PRKDC: variants seen among roughly 807,000 people sequenced by gnomAD.
The protein encoded by PRKDC is DNA-dependent protein kinase catalytic subunit.
Under a neutral mutation model 486.9 loss-of-function variants are expected in PRKDC, and 82 were observed. The observed-to-expected ratio is 0.17, with a 90% CI of 0.14 to 0.20. PRKDC has a LOEUF of 0.20. Ranked by LOEUF, PRKDC falls within the 10% of genes least tolerant of loss-of-function variation. The pLI is 1.00. For synonymous variants in PRKDC, 1,895 were observed against 1,837.0 expected (o/e 1.03, Z -0.81); for missense variants, 4,504 against 5,038.2 (o/e 0.89, Z 3.21).
At position 47,898,527 on chromosome 8, in the gene PRKDC, C is replaced by T. The variant is rs781401034; in HGVS notation, c.3407G>A (p.Arg1136His). 4.5e-6 allele frequency: 7 copies of T among 1,544,996 alleles called. No individual in the cohort carries two copies. The highest frequency in any genetic ancestry group is 2.3e-5 in the East Asian group (1 of 43,300). Reference sequence around the variant, plus strand: ...AGAAACATGCTTCTTTTCAATGATGCGGCATAGGTGATCAATGGCATCACA... The same window carrying T: ...AGAAACATGCTTCTTTTCAATGATGTGGCATAGGTGATCAATGGCATCACA... ...QCCDAIDHLC[R>H]IIEKKHVSLN... Residue 1136 changes from arginine (R) to histidine (H), a missense_variant, in exon 29 of 86, where the codon CGC (arginine) becomes CAC (histidine). By Grantham distance (29) the Arg-to-His change is conservative (BLOSUM62 0). Coordinates refer to ENST00000314191, the MANE Select transcript of PRKDC (RefSeq NM_006904.7).
Position 47,820,755 on chromosome 8 carries a change from T to C in PRKDC, c.9300A>G (p.Lys3100=), listed in dbSNP as rs765257700. The C allele has an allele frequency of 1.9e-6, 3 of 1,591,802 alleles. No individual in the cohort carries two copies. Among genetic ancestry groups the C allele is most frequent in the African/African-American group, 1.3e-5 (1 of 74,532 alleles). ...YLLQDDVDRA[K]YYIQNGIQSF... ...TCTGAATGCCATTTTGAATGTAATA[T>C]TTGGCTCTGTCAACATCATCTTGCA... The change falls in exon 66 of 86, where the codon AAA becomes AAG. Residue 3100 remains lysine (K), a synonymous_variant. Coordinates refer to ENST00000314191, the MANE Select transcript of PRKDC (RefSeq NM_006904.7).
In PRKDC at chr8:47,810,053, C is replaced by A. The variant is rs77117997; in HGVS notation, c.9558-2727G>T. On this transcript the variant is annotated intron_variant, in intron 68 of 85. Transcript: ENST00000314191. ...TGCACATGAACCCACCAGGCTCAGG[C>A]TGCCCTGAAGTGTGCATGTGCAGAC... Among the ~76,000 whole-genome samples, 6 of 152,314 alleles carry A rather than the reference C, an allele frequency of 3.9e-5. No homozygotes were observed. The East Asian group carries it at 1.2e-3, about 29-fold the overall frequency.
In PRKDC at chr8:47,823,945, A is replaced by C; in HGVS notation, c.8835T>G (p.Ser2945Arg). 6.2e-7 allele frequency: 1 copy of C among 1,613,454 alleles called. No homozygotes were observed. Among genetic ancestry groups the C allele is most frequent in the Non-Finnish European group, 8.5e-7 (1 of 1,179,584 alleles). ...EYDVLRGIFTSEIGTKQITQS... is the reference protein window; with the variant it reads ...EYDVLRGIFTREIGTKQITQS... ...GAGTGATTTGCTTTGTTCCTATCTC[A>C]CTGGTAAAAATCCCACGGAGGACGT... The change falls in exon 64 of 86, where the codon AGT (serine) becomes AGG (arginine). Residue 2945 changes from serine (S) to arginine (R), a missense_variant. By Grantham distance (110) the Ser-to-Arg change is moderately radical (BLOSUM62 -1). This residue lies in a region of PRKDC where 1,592 missense variants were observed against 1,724.6 expected (regional missense o/e 0.92). Transcript: ENST00000314191.
intron 31 of PRKDC, among the ~76,000 whole-genome samples, chr8:47,890,857 G>A (rs2089441710): frequency 6.6e-6 from 1 of 152,148 alleles, no homozygotes; most frequent in South Asian, 2.1e-4. Flanking sequence ...TGAAATGACT[G>A]CAGAATTGAA....
At chr8:47,866,282 T>C (rs905345575) in intron 40 of PRKDC, among the ~76,000 whole-genome samples, 13 of 151,854 alleles carry the variant, frequency 8.6e-5, no homozygotes, top group African/African-American at 1.2e-4. Context: ...CTCCATCAAC[T>C]GGCAGCACGT....
chr8:47,778,347 G>C, intron 83 of PRKDC, 112 bp downstream of exon 83: 2 of 1,175,992 alleles, frequency 1.7e-6, no homozygotes, highest in Non-Finnish European at 2.4e-6. Flanking sequence ...ATGACAAAAC[G>C]AATCTAACTA....
chr8:47,958,503 A>ACTAG (rs1334464139), intron 1 of PRKDC, among the ~76,000 whole-genome samples: 1 of 152,200 alleles, frequency 6.6e-6, no homozygotes, highest in African/African-American at 2.4e-5. Context: ...GCAATAAGGA[A>ACTAG]CTAATACACT....
chr8:47,822,508 C>T (rs925883470), intron 64 of PRKDC, among the ~76,000 whole-genome samples: 10 of 152,110 alleles, frequency 6.6e-5, no homozygotes, highest in Non-Finnish European at 8.8e-5. Flanking sequence ...CTGGGCTGCT[C>T]GGCTGGGAGC....
chr8:47,916,019 G>A (rs2089976533), intron 22 of PRKDC, among the ~76,000 whole-genome samples: 1 of 152,152 alleles, frequency 6.6e-6, no homozygotes, highest in African/African-American at 2.4e-5. Flanking sequence ...TTTCATCCAT[G>A]TATAATTTGG....
rs377205091 is a variant in PRKDC at position 47,799,233 on chromosome 8, C to A, written c.10274G>T (p.Arg3425Leu). 123 of 1,613,780 alleles carry A rather than the reference C, an allele frequency of 7.6e-5. No individual in the cohort carries two copies. Among genetic ancestry groups the A allele is most frequent in the Non-Finnish European group, 9.5e-5 (112 of 1,179,892 alleles). ...ACCTGATGCATTCTCTTCCTCCTTGCGCAGCTGTTGGTCACAGAAATCTGC... is the reference window on the plus strand; with the variant it reads ...ACCTGATGCATTCTCTTCCTCCTTGAGCAGCTGTTGGTCACAGAAATCTGC... The part of the protein sequence containing the change: ...TLADFCDQQL[R>L]KEEENASVID... The change falls in exon 72 of 86, where the codon CGC (arginine) becomes CTC (leucine). Residue 3425 changes from arginine (R) to leucine (L), a missense_variant. This residue lies in a region of PRKDC where 706 missense variants were observed against 945.0 expected (regional missense o/e 0.75). Coordinates refer to ENST00000314191, the MANE Select transcript of PRKDC (RefSeq NM_006904.7).
intron 17 of PRKDC, 47 bp from the exon 18 acceptor site, chr8:47,930,059 G>C (rs1281376452): frequency 6.6e-7 from 1 of 1,521,752 alleles, no homozygotes; most frequent in Non-Finnish European, 9.0e-7. Context: ...GTATCATTCT[G>C]ATCTTAAAAT....
chr8:47,834,888 C>T (rs2087978848), intron 58 of PRKDC, among the ~76,000 whole-genome samples: 1 of 151,924 alleles, frequency 6.6e-6, no homozygotes, highest in South Asian at 2.1e-4. Context: ...GACGGGGTTT[C>T]ACCGTGTTAG....
At chr8:47,928,788 G>A (rs2090200432) in intron 19 of PRKDC, among the ~76,000 whole-genome samples, 1 of 151,912 alleles carries the variant, frequency 6.6e-6, no homozygotes, top group Non-Finnish European at 1.5e-5. Flanking sequence ...GGTTCAATCA[G>A]TTCTCCTGCC....
At chr8:47,823,586 A>G (rs1258243004) in intron 64 of PRKDC, among the ~76,000 whole-genome samples, 1 of 152,016 alleles carries the variant, frequency 6.6e-6, no homozygotes, top group Non-Finnish European at 1.5e-5. Flanking sequence ...CAATTTCTTT[A>G]TAATTTTTTT....
rs1223849349 is a variant in PRKDC, at chr8:47,773,225, TC to T, written c.*947del. ...AAAACAACAAAAAGCTAAAAGCCAA[TC>T]AGAAACAGTTTGGGTGTGGAGGACT... On this transcript the variant is annotated 3_prime_UTR_variant, in exon 86 of 86. Coordinates refer to ENST00000314191, the MANE Select transcript of PRKDC (RefSeq NM_006904.7). 9.0e-6 allele frequency: 2 copies of T among 221,486 alleles called. No individual in the cohort carries two copies. Among genetic ancestry groups the T allele is most frequent in the African/African-American group, 2.3e-5 (1 of 44,296 alleles). The allele number at this position is 221,486 out of a possible 1,614,324, so 13.7% of individuals were successfully genotyped here.
Position 47,862,538 on chromosome 8 carries a change from C to T in PRKDC, c.5754G>A (p.Leu1918=), listed in dbSNP as rs202128544. 546 of 1,604,140 alleles carry T rather than the reference C, an allele frequency of 3.4e-4. No homozygotes were observed. The highest frequency in any genetic ancestry group is 4.5e-4 in the Non-Finnish European group (527 of 1,174,128). ...TGTTCTCTGTAAATGCATCGTAGCA[C>T]AATCTGCAGAGAGATCCATGTGACA... ...GNELTKTLIK[L]CYDAFTENMA... Residue 1918 remains leucine (L), a synonymous_variant, in exon 43 of 86, where the codon TTG becomes TTA. Coordinates refer to ENST00000314191, the MANE Select transcript of PRKDC (RefSeq NM_006904.7).
intron 5 of PRKDC, among the ~76,000 whole-genome samples, chr8:47,954,126 CTA>C (rs1198801099): frequency 2.0e-5 from 3 of 152,204 alleles, no homozygotes. Context: ...TGTGAGTTTT[CTA>C]TTTACAGGAA....
intron 31 of PRKDC, among the ~76,000 whole-genome samples, chr8:47,890,783 C>T (rs1457934877): frequency 6.6e-6 from 1 of 152,140 alleles, no homozygotes; most frequent in Non-Finnish European, 1.5e-5. Context: ...AATATGCATG[C>T]CAATTTCTAT....
intron 59 of PRKDC, among the ~76,000 whole-genome samples, chr8:47,833,728 G>C (rs1057481568): frequency 2.6e-5 from 4 of 152,112 alleles, no homozygotes; most frequent in Non-Finnish European, 4.4e-5. Context: ...CTGGACTGCA[G>C]AATCGATCTG....
Sources: gnomAD v4.1 joint callset for allele counts (sites outside exome capture counted in the v4.1 genomes callset) on GRCh38, gnomAD v4.1.1 for gene constraint, gnomAD v4.1.1 regional missense constraint, MANE v1.5 for transcripts, NCBI Gene and HGNC (gene_info 2026-07-23, HGNC 2026-07-21) for gene names.